The following SGK3 variants were observed in gnomAD, a reference collection of about 807,000 sequenced individuals.
SGK3 encodes the protein serine/threonine-protein kinase Sgk3.
SGK3 carries 47 observed loss-of-function variants against 68.5 expected under a neutral mutation model. The observed-to-expected ratio is 0.69, with a 90% CI of 0.54 to 0.87. SGK3 has a LOEUF of 0.87. Among genes scored for constraint, SGK3 ranks in the 40% least tolerant of loss-of-function variants. The pLI is 0.00. For missense variants in SGK3, 479 were observed against 575.5 expected (o/e 0.83, Z 1.72); for synonymous variants, 181 against 189.1 (o/e 0.96, Z 0.35).
rs1051075650 is a variant in SGK3, at chr8:66,744,040, T to G, written c.-122+31207T>G. ...TACCTGGGCTGGATCCTTTGCTGCT[T>G]CTTTTTTTGGCTTATTCTGTACTTG... On this transcript the variant is annotated intron_variant, in intron 1 of 16. Coordinates refer to ENST00000521198, the MANE Select transcript of SGK3 (RefSeq NM_001033578.3). Among the ~76,000 whole-genome samples, 9 of 152,318 alleles carry G rather than the reference T, an allele frequency of 5.9e-5. No individual in the cohort carries two copies. The East Asian group carries it at 1.2e-3, about 20-fold the overall frequency.
chr8:66,733,266 C>A (rs1805221122), intron 1 of SGK3, among the ~76,000 whole-genome samples: 1 of 152,158 alleles, frequency 6.6e-6, no homozygotes, highest in African/African-American at 2.4e-5. Flanking sequence ...CATTCCTAGG[C>A]CTTCTAAATC....
At chr8:66,725,520 C>A (rs1804961350) in intron 1 of SGK3, among the ~76,000 whole-genome samples, 1 of 151,654 alleles carries the variant, frequency 6.6e-6, no homozygotes, top group African/African-American at 2.4e-5. Flanking sequence ...AATATGTAAC[C>A]CATTGTTAAA....
At chr8:66,843,629 A>T (rs1454655774) in intron 14 of SGK3, 82 bp downstream of exon 14, 1 of 1,270,296 alleles carries the variant, frequency 7.9e-7, no homozygotes, top group East Asian at 2.5e-5. Context: ...TAAGAATCTC[A>T]TGGACACTTA....
intron 2 of SGK3, among the ~76,000 whole-genome samples, chr8:66,796,754 A>ATGTTATGT (rs1397043517): frequency 2.0e-5 from 3 of 152,120 alleles, no homozygotes. Context: ...GTGAGTTTCT[A>ATGTTATGT]TGTTATGTTC....
intron 1 of SGK3, among the ~76,000 whole-genome samples, chr8:66,764,100 C>T (rs541231492): frequency 5.3e-5 from 8 of 152,198 alleles, no homozygotes; most frequent in Middle Eastern, 3.4e-3. Flanking sequence ...TGGGCTCAAG[C>T]GATCTGCCCA....
chr8:66,816,502 C>T lies in SGK3; in HGVS notation c.329+2574C>T, dbSNP rs533988519. ...ATGGGATTACAGGTGCGCGCCACCA[C>T]GCCTGGCTAATTTTTGTATTTTTAG... is the stretch of plus-strand genomic sequence containing the variant. On this transcript the variant is annotated intron_variant, in intron 5 of 16. Transcript: ENST00000521198. Among the ~76,000 whole-genome samples the T allele has an allele frequency of 7.9e-5, 12 of 151,910 alleles. No individual in the cohort carries two copies. In the East Asian group the frequency reaches 9.8e-4, roughly 12 times the overall value.
chr8:66,747,285 TTG>T (rs1348532086), intron 1 of SGK3, among the ~76,000 whole-genome samples: 3 of 152,112 alleles, frequency 2.0e-5, no homozygotes, highest in African/African-American at 7.2e-5. Flanking sequence ...TTTAATGGTT[TTG>T]TTGTTGTTGT....
At chr8:66,830,533 G>A (rs1809261430) in intron 7 of SGK3, among the ~76,000 whole-genome samples, 1 of 152,164 alleles carries the variant, frequency 6.6e-6, no homozygotes, top group Non-Finnish European at 1.5e-5. Flanking sequence ...CCATGTTGGA[G>A]GAAACGGCTC....
chr8:66,756,668 C>G (rs1805988055), intron 1 of SGK3, among the ~76,000 whole-genome samples: 1 of 139,164 alleles, frequency 7.2e-6, no homozygotes, highest in Non-Finnish European at 1.5e-5. Context: ...CAGCCTCAAT[C>G]TCCTGGGCTC....
Position 66,726,801 on chromosome 8 carries a change from T to TAAAAAAA in SGK3, c.-122+13984_-122+13990dup, listed in dbSNP as rs560794837. ...GAATGACAGAGCAAGACCCTGTCTGTAAAAAAAAAAAAAAAAAAAAAAGAT... is the reference window on the plus strand; with the variant it reads ...GAATGACAGAGCAAGACCCTGTCTGTAAAAAAAAAAAAAAAAAAAAAAAAAAAAAGAT... On this transcript the variant is annotated intron_variant, in intron 1 of 16. Coordinates refer to ENST00000521198, the MANE Select transcript of SGK3 (RefSeq NM_001033578.3). Among the ~76,000 whole-genome samples, 15 of 80,982 alleles carry TAAAAAAA rather than the reference T, an allele frequency of 1.9e-4. No homozygotes were observed. The South Asian group carries it at 3.4e-3, about 18-fold the overall frequency. The allele number at this position is 80,982 out of a possible 152,430, so 53.1% of individuals were successfully genotyped here.
chr8:66,744,039 T>G (rs1805557780), intron 1 of SGK3, among the ~76,000 whole-genome samples: 1 of 152,228 alleles, frequency 6.6e-6, no homozygotes, highest in African/African-American at 2.4e-5. Flanking sequence ...CCTTTGCTGC[T>G]TCTTTTTTTG....
intron 3 of SGK3, among the ~76,000 whole-genome samples, chr8:66,802,970 G>A (rs1470193597): frequency 6.6e-6 from 1 of 151,956 alleles, no homozygotes; most frequent in Non-Finnish European, 1.5e-5. Flanking sequence ...AAATATTTTA[G>A]TATACATCTT....
At chr8:66,854,203 A>G (rs745329581) in intron 16 of SGK3, among the ~76,000 whole-genome samples, 1 of 152,202 alleles carries the variant, frequency 6.6e-6, no homozygotes, top group Non-Finnish European at 1.5e-5. Context: ...ACTATTCTGC[A>G]TAGCTAATAG....
At chr8:66,725,168 G>C (rs1002646999) in intron 1 of SGK3, among the ~76,000 whole-genome samples, 3 of 152,090 alleles carry the variant, frequency 2.0e-5, no homozygotes, top group Non-Finnish European at 4.4e-5. Flanking sequence ...GGCGGAGCTT[G>C]CAGTGAGCCG....
At chr8:66,728,948 G>C (rs1405433824) in intron 1 of SGK3, among the ~76,000 whole-genome samples, 29 of 151,968 alleles carry the variant, frequency 1.9e-4, no homozygotes, top group African/African-American at 2.4e-5. Context: ...ACTGGGCACG[G>C]GTGGCTCATG....
chr8:66,811,273 C>T (rs1456177595), intron 4 of SGK3, among the ~76,000 whole-genome samples: 1 of 152,172 alleles, frequency 6.6e-6, no homozygotes, highest in Non-Finnish European at 1.5e-5. Flanking sequence ...TTACCTAGGC[C>T]TCCCAAAACT....
intron 1 of SGK3, among the ~76,000 whole-genome samples, chr8:66,740,574 G>T (rs1805449659): frequency 6.6e-6 from 1 of 152,176 alleles, no homozygotes; most frequent in African/African-American, 2.4e-5. Context: ...CTTTGTGCTT[G>T]ATTGCTCATC....
intron 1 of SGK3, among the ~76,000 whole-genome samples, chr8:66,718,498 A>C (rs1804708178): frequency 1.3e-5 from 2 of 151,436 alleles, no homozygotes; most frequent in South Asian, 4.2e-4. Context: ...AGTCTATAGA[A>C]TCTAATGCAC....
intron 1 of SGK3, among the ~76,000 whole-genome samples, chr8:66,742,036 A>G (rs1427809037): frequency 2.6e-5 from 4 of 152,246 alleles, no homozygotes; most frequent in Admixed American, 2.6e-4. Context: ...CTTGGGAAGT[A>G]CATTACAAGT....
Sources: gnomAD v4.1 joint callset for allele counts (sites outside exome capture counted in the v4.1 genomes callset) on GRCh38, gnomAD v4.1.1 for gene constraint, MANE v1.5 for transcripts, NCBI Gene and HGNC (gene_info 2026-07-23, HGNC 2026-07-21) for gene names.